GRM8: variants seen among roughly 807,000 people sequenced by gnomAD.
GRM8 encodes the protein metabotropic glutamate receptor 8.
A neutral mutation model predicts 87.2 loss-of-function variants in GRM8; 47 were observed. The observed-to-expected ratio is 0.54, with a 90% CI of 0.43 to 0.69. The LOEUF is 0.69. Ranked by LOEUF, GRM8 falls within the 30% of genes least tolerant of loss-of-function variation. The pLI is 0.00. For missense variants in GRM8, 1,019 were observed against 1,139.2 expected (o/e 0.89, Z 1.52); for synonymous variants, 396 against 404.5 (o/e 0.98, Z 0.25).
intron 3 of GRM8, among the ~76,000 whole-genome samples, chr7:127,077,030 G>A (rs1316561072): frequency 2.0e-5 from 3 of 152,132 alleles, no homozygotes; most frequent in African/African-American, 7.2e-5. Context: ...CACCCCATAT[G>A]TATGTGCTGT....
At chr7:126,885,419 G>A (rs1800394820) in intron 6 of GRM8, among the ~76,000 whole-genome samples, 1 of 152,156 alleles carries the variant, frequency 6.6e-6, no homozygotes, top group Non-Finnish European at 1.5e-5. Flanking sequence ...TCAAAGGGGA[G>A]TACTGAAATC....
At chr7:127,177,977 G>A (rs1238623027) in intron 2 of GRM8, among the ~76,000 whole-genome samples, 1 of 152,140 alleles carries the variant, frequency 6.6e-6, no homozygotes, top group Non-Finnish European at 1.5e-5. Flanking sequence ...TAGTTCACCA[G>A]CAATGGATCC....
chr7:127,167,578 T>C (rs1793529249), intron 2 of GRM8, among the ~76,000 whole-genome samples: 2 of 152,172 alleles, frequency 1.3e-5, no homozygotes, highest in African/African-American at 2.4e-5. Context: ...TTTCAAACTT[T>C]TTCATTATTA....
At chr7:126,704,313 GC>G (rs1409355330) in intron 7 of GRM8, among the ~76,000 whole-genome samples, 1 of 152,102 alleles carries the variant, frequency 6.6e-6, no homozygotes, top group Non-Finnish European at 1.5e-5. Context: ...GATTTCCTAT[GC>G]CTGTCTTTAC....
At chr7:126,903,765 A>ATG (rs72467951) in intron 5 of GRM8, among the ~76,000 whole-genome samples, 1,303 of 95,732 alleles carry the variant, frequency 0.014, 139 homozygotes, top group Non-Finnish European at 0.017. Context: ...GTATATATAT[A>ATG]TGTGTGTGTG....
chr7:126,821,497 C>G (rs149165836), intron 6 of GRM8, among the ~76,000 whole-genome samples: 1 of 152,280 alleles, frequency 6.6e-6, no homozygotes, highest in East Asian at 1.9e-4. Flanking sequence ...AAAGTTTCCA[C>G]AAAGCACTTA....
chr7:126,904,553 G>A lies in GRM8; in HGVS notation c.858C>T (p.Asp286=), dbSNP rs1455430708. ...AGAAGAAAAGTAATCAGCACCTGATGTCATCCTCATTGGCAAACATAATCA... is the reference window on the plus strand; with the variant it reads ...AGAAGAAAAGTAATCAGCACCTGATATCATCCTCATTGGCAAACATAATCA... ...RAVIMFANED[D]IRRILEAAKK... Residue 286 remains aspartate (D), a synonymous_variant, in exon 4 of 11, where the codon GAC becomes GAT. Transcript: ENST00000339582. 2.5e-6 allele frequency: 4 copies of A among 1,613,440 alleles called. No homozygotes were observed. Among genetic ancestry groups the A allele is most frequent in the Middle Eastern group, 1.7e-4 (1 of 6,056 alleles).
chr7:127,173,019 C>T (rs562885706), intron 2 of GRM8, among the ~76,000 whole-genome samples: 15 of 152,126 alleles, frequency 9.9e-5, no homozygotes, highest in Non-Finnish European at 1.9e-4. Flanking sequence ...AAGTAACTAA[C>T]ATGCATTTAT....
chr7:126,753,437 CACAT>C (rs954320155), intron 7 of GRM8, among the ~76,000 whole-genome samples: 1 of 151,564 alleles, frequency 6.6e-6, no homozygotes, highest in Non-Finnish European at 1.5e-5. Flanking sequence ...TATATACACA[CACAT>C]ATATACACAC....
chr7:126,975,674 A>T (rs1810911838), intron 3 of GRM8, among the ~76,000 whole-genome samples: 1 of 152,182 alleles, frequency 6.6e-6, no homozygotes, highest in Admixed American at 6.5e-5. Context: ...ACAGGACAAG[A>T]TCTTATGACA....
At chr7:127,224,368 A>T (rs1490589388) in intron 2 of GRM8, among the ~76,000 whole-genome samples, 1 of 152,242 alleles carries the variant, frequency 6.6e-6, no homozygotes, top group Admixed American at 6.5e-5. Flanking sequence ...TCGCAAAATA[A>T]ACCAAGGAGG....
chr7:126,590,585 A>G (rs1796583065), intron 8 of GRM8, among the ~76,000 whole-genome samples: 1 of 152,154 alleles, frequency 6.6e-6, no homozygotes, highest in Non-Finnish European at 1.5e-5. Context: ...GGTTGTCTAC[A>G]GTTAAGATGA....
chr7:127,188,445 T>G (rs1267083871), intron 2 of GRM8, among the ~76,000 whole-genome samples: 3 of 152,280 alleles, frequency 2.0e-5, no homozygotes, highest in South Asian at 4.1e-4. Flanking sequence ...GCCGATGCCA[T>G]GCCCCATCTG....
chr7:127,095,375 T>C (rs1824546652), intron 3 of GRM8, among the ~76,000 whole-genome samples: 1 of 152,066 alleles, frequency 6.6e-6, no homozygotes, highest in South Asian at 2.1e-4. Context: ...GCCAAGGGCA[T>C]GGGTGATGCT....
intron 3 of GRM8, among the ~76,000 whole-genome samples, chr7:127,066,424 T>C (rs1278583049): frequency 6.6e-6 from 1 of 152,212 alleles, no homozygotes; most frequent in African/African-American, 2.4e-5. Context: ...TAGTTAACCT[T>C]TGTGTAGCAT....
chr7:127,125,064 G>A (rs1307106715), intron 2 of GRM8, among the ~76,000 whole-genome samples: 1 of 151,996 alleles, frequency 6.6e-6, no homozygotes, highest in East Asian at 1.9e-4. Context: ...GTGGTGAAAG[G>A]CTCAATGCTT....
intron 2 of GRM8, among the ~76,000 whole-genome samples, chr7:127,203,877 A>C (rs867732460): frequency 6.6e-6 from 1 of 152,016 alleles, no homozygotes; most frequent in Non-Finnish European, 1.5e-5. Flanking sequence ...AAGAAAGAGA[A>C]AAAAAAACTC....
chr7:126,915,559 T>G (rs1268249745), intron 3 of GRM8, among the ~76,000 whole-genome samples: 1 of 152,212 alleles, frequency 6.6e-6, no homozygotes, highest in South Asian at 2.1e-4. Context: ...GAAAAACTTA[T>G]GCTCACCACA....
In GRM8 at chr7:126,978,423, C is replaced by A. The variant is rs1410885270; in HGVS notation, c.728-73740G>T. On this transcript the variant is annotated intron_variant, in intron 3 of 10. Transcript: ENST00000339582. The stretch of plus-strand genomic sequence containing the variant: ...TCCTCGAAGTACTTGAGCATATTTA[C>A]CCTGGAGATCTGATCAGCATGCTCA... 2.0e-5 allele frequency among the ~76,000 whole-genome samples: 3 copies of A among 152,250 alleles called. No individual in the cohort carries two copies. In the South Asian group the frequency reaches 6.2e-4, roughly 32 times the overall value.
Sources: allele counts gnomAD v4.1 joint callset (sites outside exome capture counted in the v4.1 genomes callset), GRCh38; gene constraint gnomAD v4.1.1; transcripts MANE v1.5; gene names NCBI Gene and HGNC (gene_info 2026-07-23, HGNC 2026-07-21).